Variants in FRS2 observed in about 807,000 individuals in gnomAD.
FRS2 encodes the protein FGFR signalling adaptor.
FRS2 carries 8 observed loss-of-function variants against 43.9 expected under a neutral mutation model. The observed-to-expected ratio is 0.18, with a 90% CI of 0.11 to 0.33. FRS2 has a LOEUF of 0.33. FRS2 is among the 10% of genes least tolerant of loss of function. The pLI, the probability that FRS2 is intolerant of heterozygous loss-of-function variation, is 1.00. For missense variants in FRS2, 534 were observed against 627.6 expected, an observed-to-expected ratio of 0.85 and a Z score of 1.59; for synonymous variants, 219 against 220.3, an observed-to-expected ratio of 0.99 and a Z score of 0.05.
intron 1 of FRS2, among the ~76,000 whole-genome samples, chr12:69,493,911 A>G (rs1872671794): frequency 6.6e-6 from 1 of 152,176 alleles, no homozygotes; most frequent in Non-Finnish European, 1.5e-5. Context: ...ATACTATTTC[A>G]TCTGCATTCC....
chr12:69,557,346 C>G (rs1879443301), intron 3 of FRS2, among the ~76,000 whole-genome samples: 2 of 152,168 alleles, frequency 1.3e-5, no homozygotes, highest in Admixed American at 6.5e-5. Context: ...GAGATCAAAT[C>G]TATTCATTCA....
At chr12:69,490,177 A>G (rs538064629) in intron 1 of FRS2, among the ~76,000 whole-genome samples, 7 of 152,266 alleles carry the variant, frequency 4.6e-5, no homozygotes, top group Admixed American at 1.3e-4. Context: ...AATGAAATAG[A>G]TTGTTTGAAT....
chr12:69,536,737 A>G (rs1877357925), intron 3 of FRS2, among the ~76,000 whole-genome samples: 1 of 151,802 alleles, frequency 6.6e-6, no homozygotes, highest in Non-Finnish European at 1.5e-5. Context: ...TGCTGGGCTG[A>G]TTTTTTAATT....
chr12:69,473,751 A>G (rs999955155), intron 1 of FRS2, among the ~76,000 whole-genome samples: 2 of 152,152 alleles, frequency 1.3e-5, no homozygotes, highest in Non-Finnish European at 2.9e-5. Context: ...TGGTAATGGA[A>G]TTAGAGTGAA....
intron 1 of FRS2, among the ~76,000 whole-genome samples, chr12:69,478,070 T>C (rs1196161665): frequency 6.6e-6 from 1 of 152,166 alleles, no homozygotes; most frequent in Non-Finnish European, 1.5e-5. Context: ...CTGTGTCTGA[T>C]GGTTTTTGTT....
At chr12:69,480,443 A>G (rs1052974440) in intron 1 of FRS2, 3 of 152,132 alleles carry the variant, frequency 2.0e-5, no homozygotes, top group Non-Finnish European at 4.4e-5. Context: ...ATGTTATAGC[A>G]TGTTCTTTGA....
intron 1 of FRS2, among the ~76,000 whole-genome samples, chr12:69,524,245 G>T (rs184702789): frequency 5.9e-5 from 9 of 152,166 alleles, no homozygotes; most frequent in African/African-American, 1.4e-4. Flanking sequence ...AGGGGACGGG[G>T]GTGCACTCAC....
Position 69,577,414 on chromosome 12 carries a change from G to A in FRS2, c.*2459G>A, listed in dbSNP as rs908666389. ...GTAATGGGCATTAAGCTGTGTCCTCGAAGGATGTACCTATTACTAGGTGCA... is the reference window on the plus strand; with the variant it reads ...GTAATGGGCATTAAGCTGTGTCCTCAAAGGATGTACCTATTACTAGGTGCA... On this transcript the variant is annotated 3_prime_UTR_variant, in exon 9 of 9. Coordinates refer to ENST00000549921, the MANE Select transcript of FRS2 (RefSeq NM_001278356.2). 5.9e-5 allele frequency: 9 copies of A among 152,092 alleles called. No individual in the cohort carries two copies. Among genetic ancestry groups the A allele is most frequent in the Non-Finnish European group, 8.8e-5 (6 of 67,978 alleles). The allele number at this position is 152,092 out of a possible 1,614,324, so 9.4% of individuals were successfully genotyped here.
At chr12:69,537,335 T>C (rs552204337) in intron 3 of FRS2, among the ~76,000 whole-genome samples, 67 of 106,306 alleles carry the variant, frequency 6.3e-4, no homozygotes, top group Non-Finnish European at 9.8e-4. Context: ...TCTTCTATGA[T>C]AATTTTTTTT....
At chr12:69,511,391 G>A (rs1047280617) in intron 1 of FRS2, among the ~76,000 whole-genome samples, 1 of 152,072 alleles carries the variant, frequency 6.6e-6, no homozygotes, top group African/African-American at 2.4e-5. Context: ...GGCTGAATGT[G>A]TGCACACTCT....
At chr12:69,488,387 G>A (rs1452726242) in intron 1 of FRS2, among the ~76,000 whole-genome samples, 3 of 152,198 alleles carry the variant, frequency 2.0e-5, no homozygotes, top group East Asian at 1.9e-4. Context: ...ACCACTTGCT[G>A]ATCAGATGAT....
chr12:69,554,926 C>G (rs1043299328), intron 3 of FRS2, among the ~76,000 whole-genome samples: 2 of 148,180 alleles, frequency 1.3e-5, no homozygotes, highest in Non-Finnish European at 3.0e-5. Flanking sequence ...CCAGGCTGAT[C>G]TTGAATTCCT....
intron 1 of FRS2, among the ~76,000 whole-genome samples, chr12:69,495,539 T>C (rs1036408377): frequency 1.3e-5 from 2 of 152,184 alleles, no homozygotes; most frequent in African/African-American, 4.8e-5. Flanking sequence ...ATAAACACAG[T>C]CTAGATCGTT....
chr12:69,510,628 A>G (rs1291718006), intron 1 of FRS2, among the ~76,000 whole-genome samples: 1 of 152,150 alleles, frequency 6.6e-6, no homozygotes, highest in Non-Finnish European at 1.5e-5. Flanking sequence ...CTTGGAGTCA[A>G]TAATGTGTAG....
chr12:69,561,973 CT>C (rs1176970865), intron 3 of FRS2, among the ~76,000 whole-genome samples: 1 of 152,134 alleles, frequency 6.6e-6, no homozygotes, highest in East Asian at 1.9e-4. Context: ...CACATTTTTA[CT>C]TTTTCTTCTG....
chr12:69,512,578 G>C (rs1025252902), intron 1 of FRS2, among the ~76,000 whole-genome samples: 29 of 152,000 alleles, frequency 1.9e-4, no homozygotes, highest in Admixed American at 1.9e-3. Context: ...TTTTTTTGTT[G>C]AGTTGCATAC....
At chr12:69,533,670 C>T (rs1877017264) in intron 3 of FRS2, among the ~76,000 whole-genome samples, 1 of 151,970 alleles carries the variant, frequency 6.6e-6, no homozygotes, top group South Asian at 2.1e-4. Flanking sequence ...TTTGAGCATG[C>T]CTGTTTACTT....
At chr12:69,484,116 G>T (rs1013307464) in intron 1 of FRS2, among the ~76,000 whole-genome samples, 3 of 127,808 alleles carry the variant, frequency 2.3e-5, no homozygotes, top group East Asian at 1.9e-4. Flanking sequence ...ACAGAGTCTC[G>T]CTCTGTCGCC....
rs920722752 is a variant in FRS2 at position 69,558,587 on chromosome 12, G to T, written c.-121-3593G>T. The stretch of plus-strand genomic sequence containing the variant: ...GCATGCTTTCTTCTTAATCTGGATT[G>T]CCCCTGCCCTAGCTAACTCCCATCC... On this transcript the variant is annotated intron_variant, in intron 3 of 8. Transcript: ENST00000549921. 4.6e-5 allele frequency among the ~76,000 whole-genome samples: 7 copies of T among 152,258 alleles called. No individual in the cohort carries two copies. In the South Asian group the frequency reaches 1.5e-3, roughly 32 times the overall value.
Sources: allele counts gnomAD v4.1 joint callset (sites outside exome capture counted in the v4.1 genomes callset), GRCh38; gene constraint gnomAD v4.1.1; transcripts MANE v1.5; gene names NCBI Gene and HGNC (gene_info 2026-07-23, HGNC 2026-07-21).